Variants in TEX9 observed in about 807,000 individuals in gnomAD.
TEX9 encodes the protein testis-expressed protein 9.
In TEX9, 74 loss-of-function variants were observed where a neutral mutation model predicts 59.6. The observed-to-expected ratio is 1.24, with a 90% confidence interval of 1.03 to 1.51. The LOEUF (loss-of-function observed/expected upper bound fraction) is 1.51, where lower values mean the gene tolerates loss of function less well. Among genes scored for constraint, TEX9 ranks in the 40% most tolerant of loss-of-function variants. TEX9 has a pLI of 0.00. For synonymous variants in TEX9, 186 were observed against 152.2 expected, an observed-to-expected ratio of 1.22 and a Z score of -1.64; for missense variants, 522 against 447.8, an observed-to-expected ratio of 1.17 and a Z score of -1.49.
At chr15:56,460,007 A>ATATATATATATATATATATAT in the TEX9 span, among the ~76,000 whole-genome samples, 1 of 27,614 alleles carries the variant, frequency 3.6e-5, no homozygotes, top group African/African-American at 1.3e-4. Flanking sequence ...AAAAAAAAAA[A>ATATATATATATATATATATAT]AAATACATAT....
intron 1 of TEX9, among the ~76,000 whole-genome samples, chr15:56,289,851 G>T (rs1242061224): frequency 6.6e-6 from 1 of 152,204 alleles, no homozygotes; most frequent in African/African-American, 2.4e-5. Flanking sequence ...ATTGGTAACA[G>T]AATGTGAGGC....
chr15:56,356,048 T>C (rs2046678228), intron 1 of TEX9, among the ~76,000 whole-genome samples: 1 of 152,122 alleles, frequency 6.6e-6, no homozygotes, highest in African/African-American at 2.4e-5. Flanking sequence ...TTTTGTAGTC[T>C]GGTATTTTCT....
intron 12 of TEX9, chr15:56,429,133 G>C: frequency 1.9e-6 from 3 of 1,600,486 alleles, no homozygotes; most frequent in Non-Finnish European, 1.7e-6. Flanking sequence ...CTCCTTTGTT[G>C]ATATACTTTC....
At chr15:56,387,750 T>C (rs2048025362) in intron 4 of TEX9, among the ~76,000 whole-genome samples, 1 of 151,934 alleles carries the variant, frequency 6.6e-6, no homozygotes, top group Non-Finnish European at 1.5e-5. Flanking sequence ...ATTTGTGGGC[T>C]GTATAGTCTG....
At chr15:56,398,468 C>A (rs780267445) in intron 9 of TEX9, 1 of 152,122 alleles carries the variant, frequency 6.6e-6, no homozygotes, top group Non-Finnish European at 1.5e-5. Flanking sequence ...AGGGGAACAT[C>A]CATGTTTTAA....
At chr15:56,363,672 C>CT (rs879691204), upstream of TEX9, among the ~76,000 whole-genome samples, 85 of 142,108 alleles carry the variant, frequency 6.0e-4, no homozygotes, top group South Asian at 1.1e-3. Context: ...AATTGTTTTT[C>CT]TTTTTTTTTT....
intron 9 of TEX9, among the ~76,000 whole-genome samples, chr15:56,411,596 T>C (rs1407611071): frequency 6.6e-6 from 1 of 152,058 alleles, no homozygotes; most frequent in Admixed American, 6.6e-5. Flanking sequence ...CCATGGCTGT[T>C]TGGGAGAGAT....
intron 4 of TEX9, 60 bp downstream of exon 4, chr15:56,384,091 A>G: frequency 7.4e-7 from 1 of 1,350,544 alleles, no homozygotes; most frequent in Non-Finnish European, 1.0e-6. Context: ...ATCGTTATGT[A>G]AGATCTTTTT....
intron 1 of TEX9, among the ~76,000 whole-genome samples, chr15:56,336,187 G>A (rs1277696994): frequency 6.6e-6 from 1 of 152,138 alleles, no homozygotes; most frequent in Non-Finnish European, 1.5e-5. Flanking sequence ...TTCAGTGGGT[G>A]TGATTGTCTT....
intron 1 of TEX9, among the ~76,000 whole-genome samples, chr15:56,343,124 G>T (rs976690460): frequency 6.6e-6 from 1 of 152,036 alleles, no homozygotes; most frequent in Admixed American, 6.6e-5. Context: ...AATCTGATAG[G>T]TTTATAAAAA....
At chr15:56,419,239 C>T (rs180679002) in intron 10 of TEX9, among the ~76,000 whole-genome samples, 11 of 151,826 alleles carry the variant, frequency 7.2e-5, no homozygotes, top group Admixed American at 6.5e-4. Context: ...CATATTGAGT[C>T]TATATCCTCA....
At chr15:56,363,192 C>T (rs1448157218), upstream of TEX9, among the ~76,000 whole-genome samples, 2 of 151,814 alleles carry the variant, frequency 1.3e-5, no homozygotes, top group African/African-American at 4.8e-5. Context: ...AGTGGCTGCA[C>T]AATTTTCCCA....
At chr15:56,348,056 C>A (rs991966408) in intron 1 of TEX9, among the ~76,000 whole-genome samples, 1 of 151,942 alleles carries the variant, frequency 6.6e-6, no homozygotes, top group East Asian at 1.9e-4. Flanking sequence ...ATGTTCTGTA[C>A]CTTGTCTGTA....
At chr15:56,249,788 A>G (rs1213254894) in intron 1 of TEX9, among the ~76,000 whole-genome samples, 4 of 150,122 alleles carry the variant, frequency 2.7e-5, no homozygotes, top group African/African-American at 7.3e-5. Context: ...AGAAGCATCT[A>G]TGGGCAGGTG....
intron 11 of TEX9, among the ~76,000 whole-genome samples, 160 bp downstream of exon 11, chr15:56,427,899 G>A (rs951551934): frequency 6.6e-6 from 1 of 152,020 alleles, no homozygotes; most frequent in Non-Finnish European, 1.5e-5. Flanking sequence ...AACATTTATA[G>A]TGAGATATAT....
intron 12 of TEX9, among the ~76,000 whole-genome samples, chr15:56,438,048 A>G (rs2050758565): frequency 2.0e-5 from 3 of 152,178 alleles, no homozygotes. Flanking sequence ...GCCCAAGGTA[A>G]TTTACAGATT....
intron 1 of TEX9, among the ~76,000 whole-genome samples, chr15:56,280,781 T>C (rs2044796965): frequency 6.6e-6 from 1 of 152,216 alleles, no homozygotes; most frequent in Non-Finnish European, 1.5e-5. Context: ...TCATTTAAAT[T>C]CTCAAGCCAG....
intron 4 of TEX9, among the ~76,000 whole-genome samples, chr15:56,388,180 G>A (rs1448238577): frequency 1.3e-5 from 2 of 151,996 alleles, no homozygotes; most frequent in African/African-American, 4.8e-5. Flanking sequence ...GGTAATTGCT[G>A]TGGATAGCCC....
intron 1 of TEX9, among the ~76,000 whole-genome samples, chr15:56,294,019 G>A (rs1276349239): frequency 1.3e-5 from 2 of 152,178 alleles, no homozygotes; most frequent in Non-Finnish European, 2.9e-5. Flanking sequence ...TCATAAGTGA[G>A]GGCAGTCTTG....
Sources: allele counts gnomAD v4.1 joint callset (sites outside exome capture counted in the v4.1 genomes callset), GRCh38; gene constraint gnomAD v4.1.1; transcripts MANE v1.5; gene names NCBI Gene and HGNC (gene_info 2026-07-23, HGNC 2026-07-21).